PRDM16: variants seen among roughly 807,000 people sequenced by gnomAD.
PRDM16 encodes histone-lysine N-methyltransferase PRDM16.
PRDM16 carries 23 observed loss-of-function variants against 110.6 expected under a neutral mutation model. That is an observed-to-expected ratio of 0.21 (90% confidence interval 0.15 to 0.29). PRDM16 has a LOEUF of 0.29. Among genes scored for constraint, PRDM16 ranks in the 10% least tolerant of loss-of-function variants. The pLI, the probability that PRDM16 is intolerant of heterozygous loss-of-function variation, is 1.00. For synonymous variants in PRDM16, 799 were observed against 781.8 expected, an observed-to-expected ratio of 1.02 and a Z score of -0.37; for missense variants, 1,615 against 1,794.3, an observed-to-expected ratio of 0.90 and a Z score of 1.81.
chr1:3,156,703 G>A (rs958451629), intron 1 of PRDM16, among the ~76,000 whole-genome samples: 3 of 152,186 alleles, frequency 2.0e-5, no homozygotes, highest in African/African-American at 2.4e-5. Flanking sequence ...AGAAGCCTCC[G>A]TCCTTCAGCT....
intron 3 of PRDM16, among the ~76,000 whole-genome samples, chr1:3,333,886 C>G (rs1429107432): frequency 1.3e-5 from 2 of 152,162 alleles, no homozygotes; most frequent in African/African-American, 4.8e-5. Context: ...ACGCAGGCTC[C>G]CCTCCCCTTC....
At chr1:3,114,517 T>C (rs1276451205) in intron 1 of PRDM16, among the ~76,000 whole-genome samples, 4 of 145,852 alleles carry the variant, frequency 2.7e-5, no homozygotes, top group East Asian at 2.1e-4. Context: ...CACACACACA[T>C]GAACACACGC....
chr1:3,411,077 TGTGTGCACAC>T (rs1364234768), intron 8 of PRDM16, among the ~76,000 whole-genome samples: 3 of 152,114 alleles, frequency 2.0e-5, no homozygotes, highest in Non-Finnish European at 2.9e-5. Context: ...CACATGCTCA[TGTGTGCACAC>T]GTGTGCACAC....
At chr1:3,114,625 AAC>A (rs142682550) in intron 1 of PRDM16, among the ~76,000 whole-genome samples, 90 of 151,918 alleles carry the variant, frequency 5.9e-4, no homozygotes, top group African/African-American at 1.1e-3. Flanking sequence ...TACACACATG[AAC>A]ACACACATAT....
chr1:3,402,568 C>T (rs1643490835), intron 5 of PRDM16, among the ~76,000 whole-genome samples: 1 of 152,178 alleles, frequency 6.6e-6, no homozygotes, highest in South Asian at 2.1e-4. Flanking sequence ...TTGGGGGGTC[C>T]TTTGGTCCTG....
chr1:3,173,341 C>A (rs906890331), intron 1 of PRDM16, among the ~76,000 whole-genome samples: 7 of 152,248 alleles, frequency 4.6e-5, no homozygotes, highest in African/African-American at 1.7e-4. Context: ...TCATTCAGCG[C>A]CTGCCCGGGG....
intron 8 of PRDM16, among the ~76,000 whole-genome samples, chr1:3,410,066 GTGTA>G (rs1643657238): frequency 6.9e-6 from 1 of 145,018 alleles, no homozygotes; most frequent in African/African-American, 2.6e-5. Flanking sequence ...GTGTGTGGTT[GTGTA>G]TGTGCATGTG....
At chr1:3,340,931 C>A (rs774806177) in intron 3 of PRDM16, among the ~76,000 whole-genome samples, 19 of 152,190 alleles carry the variant, frequency 1.2e-4, no homozygotes, top group Non-Finnish European at 2.6e-4. Flanking sequence ...GGAGTCCTCC[C>A]TGGAGGAAGG....
chr1:3,368,248 G>A (rs546775451), intron 3 of PRDM16, among the ~76,000 whole-genome samples: 12 of 152,322 alleles, frequency 7.9e-5, no homozygotes, highest in African/African-American at 2.9e-4. Context: ...ATGCTTCCTC[G>A]TGGCGGACTT....
chr1:3,374,354 A>T (rs968697691), intron 3 of PRDM16, among the ~76,000 whole-genome samples: 2 of 152,244 alleles, frequency 1.3e-5, no homozygotes, highest in African/African-American at 2.4e-5. Context: ...TTTAAAAATG[A>T]CACATCTGTA....
At chr1:3,167,225 C>T (rs1340128216) in intron 1 of PRDM16, among the ~76,000 whole-genome samples, 1 of 152,184 alleles carries the variant, frequency 6.6e-6, no homozygotes, top group African/African-American at 2.4e-5. Flanking sequence ...CCCTGTCCCT[C>T]CCAGGCCTTC....
intron 1 of PRDM16, among the ~76,000 whole-genome samples, chr1:3,158,343 T>G (rs1238857259): frequency 6.6e-6 from 1 of 152,252 alleles, no homozygotes; most frequent in Admixed American, 6.5e-5. Context: ...TGTCTTCTGC[T>G]GAAAATGTAC....
At chr1:3,400,740 G>C (rs1643455191) in intron 5 of PRDM16, among the ~76,000 whole-genome samples, 1 of 152,124 alleles carries the variant, frequency 6.6e-6, no homozygotes, top group Admixed American at 6.5e-5. Context: ...GCTTTCCTGA[G>C]GTTCAGGTCA....
At chr1:3,396,205 C>G (rs1643384031) in intron 4 of PRDM16, 3 of 498,400 alleles carry the variant, frequency 6.0e-6, no homozygotes, top group African/African-American at 5.8e-5. Flanking sequence ...CTCTGCTGTG[C>G]CCCCAGGACA....
chr1:3,187,317 G>C (rs1226987548), intron 2 of PRDM16, among the ~76,000 whole-genome samples: 1 of 152,236 alleles, frequency 6.6e-6, no homozygotes, highest in African/African-American at 2.4e-5. Context: ...TGCCTGGGTG[G>C]AAAATGGGAA....
At chr1:3,356,042 G>A (rs1557629800) in intron 3 of PRDM16, among the ~76,000 whole-genome samples, 1 of 152,186 alleles carries the variant, frequency 6.6e-6, no homozygotes, top group Non-Finnish European at 1.5e-5. Flanking sequence ...ACAGGTGATG[G>A]ACTTTGAACC....
At position 3,246,769 on chromosome 1, in the gene PRDM16, A is replaced by G. The variant is rs1339664899; in HGVS notation, c.438+2632A>G. On this transcript the variant is annotated intron_variant, in intron 3 of 16. Coordinates refer to ENST00000270722, the MANE Select transcript of PRDM16 (RefSeq NM_022114.4). The surrounding 1 kb of genome is among the most constrained non-coding windows in gnomAD (Gnocchi z 5.2). ...TCAGATCCCTAACCCCAGGGCTCAG[A>G]CTGGACCCGTTCAGTTACATTTCTA... Among the ~76,000 whole-genome samples, 1 of 152,024 alleles carries G rather than the reference A, an allele frequency of 6.6e-6. No individual in the cohort carries two copies. The highest frequency in any genetic ancestry group is 1.5e-5 in the Non-Finnish European group (1 of 67,990).
At chr1:3,261,276 G>T (rs577823768) in intron 3 of PRDM16, among the ~76,000 whole-genome samples, 15 of 152,176 alleles carry the variant, frequency 9.9e-5, no homozygotes, top group Non-Finnish European at 1.9e-4. Flanking sequence ...CAAGTGAATT[G>T]TGAGCCGCGA....
At chr1:3,423,707 G>C (rs529582934) in intron 12 of PRDM16, among the ~76,000 whole-genome samples, 1 of 152,166 alleles carries the variant, frequency 6.6e-6, no homozygotes, top group South Asian at 2.1e-4. Flanking sequence ...CACCCACTCC[G>C]GGTGAACAAA....
Sources: gnomAD v4.1 joint callset for allele counts (sites outside exome capture counted in the v4.1 genomes callset) on GRCh38, gnomAD v4.1.1 for gene constraint, Gnocchi (gnomAD v3.1) non-coding constraint, MANE v1.5 for transcripts, NCBI Gene and HGNC (gene_info 2026-07-23, HGNC 2026-07-21) for gene names.